PRMT5: variants seen among roughly 807,000 people sequenced by gnomAD.
PRMT5 encodes the protein protein arginine N-methyltransferase 5.
In PRMT5, 15 loss-of-function variants were observed where a neutral mutation model predicts 84.0. The observed-to-expected ratio is 0.18, with a 90% CI of 0.12 to 0.28. PRMT5 has a LOEUF of 0.28. Ranked by LOEUF, PRMT5 falls within the 10% of genes least tolerant of loss-of-function variation. The pLI is 1.00. For missense variants in PRMT5, 486 were observed against 808.0 expected, an observed-to-expected ratio of 0.60 and a Z score of 4.83; for synonymous variants, 276 against 292.4, an observed-to-expected ratio of 0.94 and a Z score of 0.57.
At chr14:22,926,858 A>G (rs765349757) in intron 4 of PRMT5, 44 bp from the exon 5 acceptor site, 2 of 1,395,934 alleles carry the variant, frequency 1.4e-6, no homozygotes, top group Non-Finnish European at 2.0e-6. Flanking sequence ...TTTTGAACTC[A>G]TTGGGTCCAG....
At position 22,924,953 on chromosome 14, in the gene PRMT5, G is replaced by C; in HGVS notation, c.865C>G (p.Gln289Glu). 6.2e-7 allele frequency: 1 copy of C among 1,614,140 alleles called. No homozygotes were observed. The highest frequency in any genetic ancestry group is 8.5e-7 in the Non-Finnish European group (1 of 1,180,032). The change falls in exon 8 of 17, where the codon CAG becomes GAG. Residue 289 changes from glutamine (Q) to glutamate (E), a missense_variant. Around this residue, in one of 4 missense-constraint regions of PRMT5, gnomAD observed 215 missense variants for 301.1 expected, o/e 0.71. Coordinates refer to ENST00000324366, the MANE Select transcript of PRMT5 (RefSeq NM_006109.5). The surrounding 1 kb of genome is among the most constrained non-coding windows in gnomAD (Gnocchi z 6.5). ...SYLQYLEYLS[Q>E]NRPPPNAYEL... ...TAGGCATTAGGTGGAGGACGGTTCT[G>C]GCTTAAGTATTCCAGGTATTGGAGG...
chr14:22,923,054 A>G lies in PRMT5; in HGVS notation c.1482T>C (p.Pro494=). ...TCCAGAGAGAGTGGTTCTTTACCTC[A>G]GGGTCACGGTCCTTCTCCCTACAGG... The part of the protein sequence containing the change: ...VRACREKDRD[P]EAQFEMPYVV... The change falls in exon 13 of 17, where the codon CCT becomes CCC. Residue 494 remains proline (P), a synonymous_variant. Coordinates refer to ENST00000324366, the MANE Select transcript of PRMT5 (RefSeq NM_006109.5). This position sits in a 1 kb window ranked among gnomAD's most constrained non-coding sequence, Gnocchi z 5.2. 2 of 1,605,488 alleles carry G rather than the reference A, an allele frequency of 1.2e-6. No individual in the cohort carries two copies. The highest frequency in any genetic ancestry group is 2.7e-5 in the African/African-American group (2 of 74,738).
At position 22,920,545 on chromosome 14, in the gene PRMT5, A is replaced by G. The variant is rs986527573; in HGVS notation, c.*359T>C. On this transcript the variant is annotated 3_prime_UTR_variant, in exon 17 of 17. Transcript: ENST00000324366. ...GCATGGTCGTGCAGTAAAGGGCTAT[A>G]ACTTTATTTGTATTTCCTCTTACAC... 1 of 447,686 alleles carries G rather than the reference A, an allele frequency of 2.2e-6. No individual in the cohort carries two copies. Among genetic ancestry groups the G allele is most frequent in the African/African-American group, 2.0e-5 (1 of 49,614 alleles). The allele number at this position is 447,686 out of a possible 1,614,324, so 27.7% of individuals were successfully genotyped here. A position where few individuals can be genotyped will look rare whatever the true frequency, so the allele number is the denominator to read the frequency against.
chr14:22,921,693 G>A (rs1281068848), intron 16 of PRMT5, among the ~76,000 whole-genome samples: 2 of 152,058 alleles, frequency 1.3e-5, no homozygotes, highest in Non-Finnish European at 2.9e-5. Context: ...GACCATCCTG[G>A]CTAACACGGT....
In PRMT5 at chr14:22,929,338, A is replaced by G; in HGVS notation, c.24T>C (p.Gly8=). The change falls in exon 1 of 17, where the codon GGT becomes GGC. Residue 8 remains glycine, a synonymous_variant. Coordinates refer to ENST00000324366, the MANE Select transcript of PRMT5 (RefSeq NM_006109.5). ...CGCTGGACACGCGGCTCCCACCAGC[A>G]CCCCCGACCGCCATCGCCGCCATCT... The part of the protein sequence containing the change: MAAMAVG[G]AGGSRVSSGR... The G allele has an allele frequency of 6.2e-7, 1 of 1,609,652 alleles. No individual in the cohort carries two copies. The highest frequency in any genetic ancestry group is 8.5e-7 in the Non-Finnish European group (1 of 1,178,822).
rs779530317 is a variant in PRMT5, at chr14:22,928,645, A to G, written c.111-30T>C. The G allele has an allele frequency of 7.2e-6, 11 of 1,532,502 alleles. No homozygotes were observed. Among genetic ancestry groups the G allele is most frequent in the Non-Finnish European group, 9.9e-6 (11 of 1,105,680 alleles). 94.9% of individuals were successfully genotyped at this position (1,532,502 alleles called of 1,614,324 possible). ...AACCGCGACAGACCCAGAATCATGT[A>G]AAGACAGCAGCAGTGCCAGAGAGCC... On this transcript the variant is annotated intron_variant, in intron 1 of 16. Transcript: ENST00000324366. This position sits in a 1 kb window ranked among gnomAD's most constrained non-coding sequence, Gnocchi z 4.8.
rs768140567 is a variant in PRMT5 at position 22,924,547 on chromosome 14, G to A, written c.1018-10C>T. The A allele has an allele frequency of 1.9e-6, 3 of 1,613,870 alleles. No individual in the cohort carries two copies. In the South Asian group the frequency reaches 3.3e-5, roughly 18 times the overall value. On this transcript the variant is annotated splice_polypyrimidine_tract_variant and intron_variant, in intron 9 of 16. Coordinates refer to ENST00000324366, the MANE Select transcript of PRMT5 (RefSeq NM_006109.5). The surrounding 1 kb of genome is among the most constrained non-coding windows in gnomAD (Gnocchi z 6.5). The stretch of plus-strand genomic sequence containing the variant: ...GACATTTATAGATGGCCTGGAGGGA[G>A]GAGAGAATATCCCATGGTTGTAATC...
chr14:22,923,213 G>T lies in PRMT5; in HGVS notation c.1376-53C>A. On this transcript the variant is annotated intron_variant, in intron 12 of 16. Transcript: ENST00000324366. The surrounding 1 kb of genome is among the most constrained non-coding windows in gnomAD (Gnocchi z 5.2). ...CCAGAGGGAGGGAAATGGTATGTCT[G>T]TACTAACTGAAGGATCAGAAGGATC... The T allele has an allele frequency of 7.4e-7, 1 of 1,348,730 alleles. No homozygotes were observed. Among genetic ancestry groups the T allele is most frequent in the Non-Finnish European group, 1.0e-6 (1 of 971,718 alleles). 83.5% of individuals were successfully genotyped at this position (1,348,730 alleles called of 1,614,324 possible).
chr14:22,923,262 C>A lies in PRMT5; in HGVS notation c.1376-102G>T. ...TCAAACCTCCCATGTCAAAACCAAC[C>A]AACGTTGGCATGGGCATGGAAGAAA... is the stretch of plus-strand genomic sequence containing the variant. On this transcript the variant is annotated intron_variant, in intron 12 of 16. Transcript: ENST00000324366. This position sits in a 1 kb window ranked among gnomAD's most constrained non-coding sequence, Gnocchi z 5.2. The A allele has an allele frequency of 2.5e-6, 2 of 812,688 alleles. No individual in the cohort carries two copies. The highest frequency in any genetic ancestry group is 3.8e-6 in the Non-Finnish European group (2 of 523,956). 50.3% of individuals were successfully genotyped at this position (812,688 alleles called of 1,614,324 possible). A position where few individuals can be genotyped will look rare whatever the true frequency, so the allele number is the denominator to read the frequency against.
Position 22,920,727 on chromosome 14 carries a change from G to A in PRMT5, c.*177C>T, listed in dbSNP as rs1411835644. 1 of 935,046 alleles carries A rather than the reference G, an allele frequency of 1.1e-6. No individual in the cohort carries two copies. Among genetic ancestry groups the A allele is most frequent in the Non-Finnish European group, 1.7e-6 (1 of 582,914 alleles). The allele number at this position is 935,046 out of a possible 1,614,324, so 57.9% of individuals were successfully genotyped here. On this transcript the variant is annotated 3_prime_UTR_variant, in exon 17 of 17. Transcript: ENST00000324366. ...TGAGGTCTTCATAGATTGGTGGCTT[G>A]AGCCCTGCAATTAATTATAATCCCT...
chr14:22,922,389 G>T, intron 15 of PRMT5, 54 bp downstream of exon 15: 1 of 1,478,026 alleles, frequency 6.8e-7, no homozygotes. Flanking sequence ...GTACATATAA[G>T]CTGCCCAGGA....
chr14:22,921,212 G>A, intron 16 of PRMT5, 156 bp from the exon 17 acceptor site: 1 of 909,064 alleles, frequency 1.1e-6, no homozygotes, highest in Non-Finnish European at 1.7e-6. Flanking sequence ...ATAATCAAAG[G>A]TGTGGTGAGA....
chr14:22,925,542 G>A (rs991758843), intron 7 of PRMT5, among the ~76,000 whole-genome samples: 4 of 152,086 alleles, frequency 2.6e-5, no homozygotes, highest in East Asian at 3.9e-4. Context: ...CCCCTTGGCC[G>A]GGCGTGGTGG....
chr14:22,921,884 T>TAA (rs34529278), intron 16 of PRMT5, among the ~76,000 whole-genome samples: 3,723 of 119,926 alleles, frequency 0.031, 217 homozygotes, highest in African/African-American at 0.11. Flanking sequence ...TCCGTCTCTT[T>TAA]AAAAAAAAAA....
Position 22,928,538 on chromosome 14 carries a change from G to T in PRMT5, c.188C>A (p.Pro63His). 1 of 1,614,010 alleles carries T rather than the reference G, an allele frequency of 6.2e-7. No homozygotes were observed. The highest frequency in any genetic ancestry group is 8.5e-7 in the Non-Finnish European group (1 of 1,179,902). ...EFIQEPAKNR[P>H]GPQTRSDLLL... ...TAGGTCTGATCGTGTCTGGGGACCG[G>T]GCCGATTCTTAGCAGGTTCCTGAAT... The change falls in exon 2 of 17, where the codon CCC becomes CAC. Residue 63 changes from proline (P) to histidine (H), a missense_variant. Pro to His is a moderately conservative substitution (Grantham distance 77). Coordinates refer to ENST00000324366, the MANE Select transcript of PRMT5 (RefSeq NM_006109.5). This position sits in a 1 kb window ranked among gnomAD's most constrained non-coding sequence, Gnocchi z 4.8.
At position 22,923,614 on chromosome 14, in the gene PRMT5, A is replaced by G. The variant is rs977314317; in HGVS notation, c.1375+394T>C. 4.6e-5 allele frequency among the ~76,000 whole-genome samples: 7 copies of G among 151,914 alleles called. No individual in the cohort carries two copies. The highest frequency in any genetic ancestry group is 1.7e-4 in the African/African-American group (7 of 41,394). On this transcript the variant is annotated intron_variant, in intron 12 of 16. Coordinates refer to ENST00000324366, the MANE Select transcript of PRMT5 (RefSeq NM_006109.5). This position sits in a 1 kb window ranked among gnomAD's most constrained non-coding sequence, Gnocchi z 5.2. ...CTGCAACCTTCTCCTCCCAGGTTCA[A>G]GTGATTCTCGCGCCTCAGCCTCCCG...
chr14:22,929,189 G>C (rs1303229011), intron 1 of PRMT5, 63 bp downstream of exon 1: 1 of 1,614,044 alleles, frequency 6.2e-7, no homozygotes, highest in Admixed American at 1.7e-5. Context: ...GGGATGACTA[G>C]TCTGCCCTTC....
rs750859091 is a variant in PRMT5, at chr14:22,920,953, C to G, written c.1865G>C (p.Cys622Ser). The change falls in exon 17 of 17, where the codon TGT becomes TCT. Residue 622 changes from cysteine to serine, a missense_variant. By Grantham distance (112) the Cys-to-Ser change is moderately radical (BLOSUM62 -1). Transcript: ENST00000324366. ...WYEWAVTAPV[C>S]SAIHNPTGRS... ...GCCTGTGGGGTTATGAATAGCAGAA[C>G]AGACTGGTGCTGTCACAGCCCACTC... 2.5e-6 allele frequency: 4 copies of G among 1,614,086 alleles called. No individual in the cohort carries two copies. The highest frequency in any genetic ancestry group is 2.7e-5 in the African/African-American group (2 of 74,916).
At position 22,923,247 on chromosome 14, in the gene PRMT5, C is replaced by T. The variant is rs866042283; in HGVS notation, c.1376-87G>A. The T allele has an allele frequency of 9.9e-7, 1 of 1,012,928 alleles. No homozygotes were observed. Among genetic ancestry groups the T allele is most frequent in the Non-Finnish European group, 1.4e-6 (1 of 700,190 alleles). The allele number at this position is 1,012,928 out of a possible 1,614,324, so 62.7% of individuals were successfully genotyped here. A position where few individuals can be genotyped will look rare whatever the true frequency, so the allele number is the denominator to read the frequency against. ...GAAGGATCAGAAGGATCAAACCTCC[C>T]ATGTCAAAACCAACCAACGTTGGCA... On this transcript the variant is annotated intron_variant, in intron 12 of 16. Coordinates refer to ENST00000324366, the MANE Select transcript of PRMT5 (RefSeq NM_006109.5). This position sits in a 1 kb window ranked among gnomAD's most constrained non-coding sequence, Gnocchi z 5.2.
Sources: allele counts gnomAD v4.1 joint callset (sites outside exome capture counted in the v4.1 genomes callset), GRCh38; gene constraint gnomAD v4.1.1; regional missense constraint gnomAD v4.1.1; non-coding constraint Gnocchi (gnomAD v3.1); transcripts MANE v1.5; gene names NCBI Gene and HGNC (gene_info 2026-07-23, HGNC 2026-07-21).